The following MTMR1 variants were observed in gnomAD, a reference collection of about 807,000 sequenced individuals.
The protein encoded by MTMR1 is myotubularin related protein 1, also known as phosphatidylinositol-3-phosphate phosphatase MTMR1.
Under a neutral mutation model 51.6 loss-of-function variants are expected in MTMR1, and 17 were observed. The ratio of observed to expected loss-of-function variants is 0.33; its 90% CI spans 0.23 to 0.49. The LOEUF (loss-of-function observed/expected upper bound fraction) is 0.49, where lower values mean the gene tolerates loss of function less well. Ranked by LOEUF, MTMR1 falls within the 20% of genes least tolerant of loss-of-function variation. The pLI is 0.99. For missense variants in MTMR1, 386 were observed against 526.9 expected (o/e 0.73, Z 2.62); for synonymous variants, 201 against 205.6 (o/e 0.98, Z 0.19).
At chrX:150,742,336 G>A (rs781978147) in intron 12 of MTMR1, among the ~76,000 whole-genome samples, 18 of 111,656 alleles carry the variant, frequency 1.6e-4, no homozygotes, top group Admixed American at 1.5e-3. Context: ...GTATCTAAAC[G>A]TAGAAAAGGT....
At chrX:150,759,159 A>C (rs1377348951) in intron 15 of MTMR1, among the ~76,000 whole-genome samples, 3 of 112,631 alleles carry the variant, frequency 2.7e-5, no homozygotes, top group South Asian at 3.7e-4. Flanking sequence ...ACAGGGGCCC[A>C]TCAAGCACTT....
chrX:150,760,299 A>G (rs2043060704), intron 15 of MTMR1, among the ~76,000 whole-genome samples: 1 of 95,642 alleles, frequency 1.0e-5, no homozygotes, highest in African/African-American at 3.5e-5. Context: ...AGGCAGAGAG[A>G]AGGAGGAAGA....
chrX:150,724,443 G>A (rs191327487), intron 4 of MTMR1, among the ~76,000 whole-genome samples: 2 of 110,235 alleles, frequency 1.8e-5, no homozygotes, highest in African/African-American at 6.6e-5. Flanking sequence ...GGTTGTTTGT[G>A]TTTTTTCTTG....
intron 6 of MTMR1, 90 bp downstream of exon 6, chrX:150,727,881 GAAT>G (rs2041991773): frequency 1.8e-6 from 1 of 562,683 alleles, no homozygotes; most frequent in Non-Finnish European, 2.7e-6. Context: ...TTGGACAGTA[GAAT>G]AATTTGTACT....
chrX:150,695,977 TG>T (rs1170926528), intron 1 of MTMR1, among the ~76,000 whole-genome samples: 1 of 111,133 alleles, frequency 9.0e-6, no homozygotes, highest in Non-Finnish European at 1.9e-5. Context: ...CTTTCTAGCG[TG>T]TGGGGGCCGG....
At chrX:150,717,422 C>T (rs1273649694) in intron 3 of MTMR1, among the ~76,000 whole-genome samples, 1 of 107,862 alleles carries the variant, frequency 9.3e-6, no homozygotes, top group Non-Finnish European at 1.9e-5. Flanking sequence ...TTGCTTAACC[C>T]AGCATTTCCC....
At chrX:150,727,444 C>A in intron 5 of MTMR1, 135 bp downstream of exon 5, 1 of 531,751 alleles carries the variant, frequency 1.9e-6, no homozygotes. Flanking sequence ...CACACATTTG[C>A]AAACAGATGT....
Position 150,764,165 on chromosome X carries a change from T to C in MTMR1, c.*1436T>C. ...TGTTAGCTGGTTGGTTTCAAACTAC[T>C]GGATTCCAGGCAAAGGCCTACAGAT... is the stretch of plus-strand genomic sequence containing the variant. On this transcript the variant is annotated 3_prime_UTR_variant, in exon 16 of 16. Transcript: ENST00000445323. The C allele has an allele frequency of 8.9e-6, 1 of 112,969 alleles. No homozygotes were observed. 9.3% of individuals were successfully genotyped at this position (112,969 alleles called of 1,213,427 possible). A position where few individuals can be genotyped will look rare whatever the true frequency, so the allele number is the denominator to read the frequency against.
intron 13 of MTMR1, among the ~76,000 whole-genome samples, chrX:150,746,412 C>T (rs1018448912): frequency 8.9e-6 from 1 of 111,956 alleles, no homozygotes; most frequent in Non-Finnish European, 1.9e-5. Flanking sequence ...TGAAGACTGG[C>T]CTGAAGCCTT....
chrX:150,731,022 A>G (rs569848752), intron 8 of MTMR1, among the ~76,000 whole-genome samples: 186 of 112,212 alleles, frequency 1.7e-3, no homozygotes, highest in African/African-American at 5.6e-3. Flanking sequence ...TCAGCTTCAA[A>G]TTATTCCACT....
At chrX:150,753,350 G>A (rs1557417651) in intron 14 of MTMR1, among the ~76,000 whole-genome samples, 1 of 112,154 alleles carries the variant, frequency 8.9e-6, no homozygotes, top group Admixed American at 9.5e-5. Context: ...ATACCTACGA[G>A]TGGAATTGCC....
rs1557416836 is a variant in MTMR1, at chrX:150,727,803, A to G, written c.555+12A>G. The G allele has an allele frequency of 1.7e-6, 2 of 1,157,233 alleles. No homozygotes were observed. Among genetic ancestry groups the G allele is most frequent in the East Asian group, 6.0e-5 (2 of 33,466 alleles). On this transcript the variant is annotated intron_variant, in intron 6 of 15. Transcript: ENST00000445323. ...AGATAGTGTGCAAGGTATAATAGAA[A>G]CGCCAAGTGAAAACTAAAAGAGGGC...
intron 3 of MTMR1, 52 bp from the exon 4 acceptor site, chrX:150,718,573 C>T (rs1326677826): frequency 7.1e-6 from 7 of 986,933 alleles, no homozygotes; most frequent in East Asian, 4.2e-5. Flanking sequence ...GATTTACTCC[C>T]GTTTGGTGTC....
At chrX:150,750,933 A>G in intron 14 of MTMR1, 90 bp downstream of exon 14, 1 of 1,013,272 alleles carries the variant, frequency 9.9e-7, no homozygotes, top group South Asian at 2.1e-5. Context: ...GAGGGGAGGG[A>G]GGACTGCGCT....
chrX:150,744,359 AG>A lies in MTMR1; in HGVS notation c.1474-1del, dbSNP rs2042519176. 2 of 1,206,006 alleles carry A rather than the reference AG, an allele frequency of 1.7e-6. No homozygotes were observed. Among genetic ancestry groups the A allele is most frequent in the Non-Finnish European group, 2.2e-6 (2 of 890,913 alleles). ...AACGTTTAACCTTCTGTTTCTGTTCAGCGAGTGGGCCATGGTAATGACAACC... is the reference window on the plus strand; with the variant it reads ...AACGTTTAACCTTCTGTTTCTGTTCACGAGTGGGCCATGGTAATGACAACC... On this transcript the variant is annotated splice_acceptor_variant, in intron 12 of 15. Coordinates refer to ENST00000445323, the MANE Select transcript of MTMR1 (RefSeq NM_001306144.3). LOFTEE classifies it high-confidence loss of function.
intron 15 of MTMR1, among the ~76,000 whole-genome samples, chrX:150,761,240 C>T (rs1408464437): frequency 1.8e-5 from 2 of 111,790 alleles, no homozygotes; most frequent in Non-Finnish European, 3.8e-5. Flanking sequence ...GTGGGATCTG[C>T]CTTTGCCATC....
intron 3 of MTMR1, among the ~76,000 whole-genome samples, chrX:150,717,543 TA>T (rs1247150349): frequency 1.1e-4 from 12 of 110,760 alleles, no homozygotes; most frequent in African/African-American, 3.6e-4. Context: ...ACCTTATTCT[TA>T]TTCATGACAC....
chrX:150,749,827 T>C (rs1169443490), intron 13 of MTMR1, among the ~76,000 whole-genome samples: 2 of 112,166 alleles, frequency 1.8e-5, no homozygotes, highest in Non-Finnish European at 3.8e-5. Context: ...AGGTTCAGCT[T>C]GCTCATTTAC....
chrX:150,733,251 C>T (rs191014508), intron 10 of MTMR1, among the ~76,000 whole-genome samples: 110 of 111,721 alleles, frequency 9.8e-4, no homozygotes, highest in Non-Finnish European at 1.8e-3. Context: ...GAGTTTCTCT[C>T]GCTCTTCAGC....
Sources: allele counts gnomAD v4.1 joint callset (sites outside exome capture counted in the v4.1 genomes callset), GRCh38; gene constraint gnomAD v4.1.1; transcripts MANE v1.5; gene names NCBI Gene and HGNC (gene_info 2026-07-23, HGNC 2026-07-21).